The following FLACC1 variants were observed in gnomAD, a reference collection of about 807,000 sequenced individuals.
FLACC1 encodes the protein flagellum-associated coiled-coil domain-containing protein 1.
Under a neutral mutation model 62.8 loss-of-function variants are expected in FLACC1, and 66 were observed. That is an observed-to-expected ratio of 1.05 (90% CI 0.86 to 1.29). FLACC1 has a LOEUF of 1.29. FLACC1 is among the 50% of genes most tolerant of loss of function. FLACC1 has a pLI of 0.00. For synonymous variants in FLACC1, 156 were observed against 161.0 expected, an observed-to-expected ratio of 0.97 and a Z score of 0.24; for missense variants, 452 against 489.1, an observed-to-expected ratio of 0.92 and a Z score of 0.71.
At chr2:201,332,776 T>C (rs1366379291) in intron 7 of FLACC1, among the ~76,000 whole-genome samples, 2 of 152,112 alleles carry the variant, frequency 1.3e-5, no homozygotes, top group African/African-American at 2.4e-5. Flanking sequence ...GTTTGATTGT[T>C]TCAGATCCCA....
intron 9 of FLACC1, among the ~76,000 whole-genome samples, chr2:201,328,586 C>T (rs185677868): frequency 2.0e-3 from 309 of 152,098 alleles, no homozygotes; most frequent in African/African-American, 7.3e-3. Flanking sequence ...CCACCATGTC[C>T]GACTAATTTT....
intron 7 of FLACC1, 110 bp from the exon 8 acceptor site, chr2:201,330,943 C>T: frequency 1.6e-6 from 1 of 636,560 alleles, no homozygotes; most frequent in Non-Finnish European, 2.4e-6. Flanking sequence ...GTGAGGTTCT[C>T]ACTTTTTTAT....
chr2:201,342,659 A>G (rs1950834925), intron 6 of FLACC1, among the ~76,000 whole-genome samples: 1 of 152,230 alleles, frequency 6.6e-6, no homozygotes, highest in Admixed American at 6.5e-5. Flanking sequence ...GTACTTATTC[A>G]GTTCATAATG....
upstream of FLACC1, among the ~76,000 whole-genome samples, chr2:201,361,544 T>C (rs371928022): frequency 2.0e-5 from 3 of 152,198 alleles, no homozygotes; most frequent in Admixed American, 6.5e-5. Flanking sequence ...CTGAAGAACA[T>C]TGTGCAATAT....
At position 201,326,224 on chromosome 2, in the gene FLACC1, A is replaced by C. The variant is rs989816140; in HGVS notation, c.675+4246T>G. Among the ~76,000 whole-genome samples, 1 of 148,514 alleles carries C rather than the reference A, an allele frequency of 6.7e-6. No individual in the cohort carries two copies. Among genetic ancestry groups the C allele is most frequent in the African/African-American group, 2.6e-5 (1 of 39,018 alleles). ...GCCAACATCATACTGAATGGAAAAA[A>C]GTTGAAAGCATTCCCCTTGAGAACC... On this transcript the variant is annotated intron_variant, in intron 9 of 14. Transcript: ENST00000392257. The surrounding 1 kb of genome is among the most constrained non-coding windows in gnomAD (Gnocchi z 4.1).
chr2:201,327,095 G>A (rs1464146248), intron 9 of FLACC1, among the ~76,000 whole-genome samples: 1 of 152,110 alleles, frequency 6.6e-6, no homozygotes. Flanking sequence ...TTTAATAAGT[G>A]GTGCTGGGAG....
upstream of FLACC1, among the ~76,000 whole-genome samples, chr2:201,361,784 T>G (rs1559428909): frequency 6.6e-6 from 1 of 152,230 alleles, no homozygotes; most frequent in Non-Finnish European, 1.5e-5. Flanking sequence ...ACTTAGTGAT[T>G]TTTCTGAGAA....
chr2:201,294,348 G>A (rs1171589174), intron 12 of FLACC1, among the ~76,000 whole-genome samples: 1 of 152,186 alleles, frequency 6.6e-6, no homozygotes, highest in Non-Finnish European at 1.5e-5. Context: ...TCATCCCTGG[G>A]ATGCAAGGCT....
At chr2:201,327,791 T>C (rs1950523441) in intron 9 of FLACC1, among the ~76,000 whole-genome samples, 2 of 152,162 alleles carry the variant, frequency 1.3e-5, no homozygotes, top group South Asian at 4.1e-4. Context: ...CCATTCAATC[T>C]AGCAATCCCA....
intron 7 of FLACC1, among the ~76,000 whole-genome samples, chr2:201,337,215 C>T (rs1251763865): frequency 6.6e-6 from 1 of 152,134 alleles, no homozygotes; most frequent in Non-Finnish European, 1.5e-5. Flanking sequence ...TTTGCCTAGA[C>T]CGATGTCCTG....
intron 5 of FLACC1, 122 bp from the exon 6 acceptor site, chr2:201,344,385 C>A: frequency 2.7e-6 from 2 of 730,202 alleles, no homozygotes; most frequent in Non-Finnish European, 4.8e-6. Flanking sequence ...CCATGTTCTG[C>A]ACCTGCTCTA....
intron 9 of FLACC1, among the ~76,000 whole-genome samples, chr2:201,317,415 T>C (rs930254197): frequency 6.6e-6 from 1 of 152,084 alleles, no homozygotes. Context: ...GCGACTAAGG[T>C]GAAAATCAAA....
intron 11 of FLACC1, 95 bp downstream of exon 11, chr2:201,307,424 C>T (rs907042793): frequency 3.7e-5 from 33 of 901,448 alleles, no homozygotes; most frequent in Non-Finnish European, 5.2e-5. Flanking sequence ...CCCAGAAAGA[C>T]AAAAAGATCA....
intron 11 of FLACC1, among the ~76,000 whole-genome samples, chr2:201,306,786 C>CA (rs201699240): frequency 0.11 from 16,977 of 151,476 alleles, 1,016 homozygotes; most frequent in Non-Finnish European, 0.13. Context: ...GTATATCTGG[C>CA]AAAAAAAACT....
At chr2:201,317,729 C>A (rs1007371659) in intron 9 of FLACC1, among the ~76,000 whole-genome samples, 2 of 151,926 alleles carry the variant, frequency 1.3e-5, no homozygotes, top group Non-Finnish European at 2.9e-5. Context: ...CAAAAAAGAA[C>A]CCACATAGCC....
intron 11 of FLACC1, among the ~76,000 whole-genome samples, chr2:201,304,978 C>T (rs1559391490): frequency 6.6e-6 from 1 of 152,160 alleles, no homozygotes; most frequent in African/African-American, 2.4e-5. Flanking sequence ...ACCATAAAAA[C>T]CCTAGAGGGA....
At chr2:201,342,267 T>A in intron 7 of FLACC1, 103 bp downstream of exon 7, 1 of 1,152,094 alleles carries the variant, frequency 8.7e-7, no homozygotes, top group Non-Finnish European at 1.3e-6. Context: ...ATCCCCCAAC[T>A]CCATTTAGAA....
Position 201,346,530 on chromosome 2 carries a change from C to G in FLACC1, c.368+12G>C, listed in dbSNP as rs1362810237. Reference sequence around the variant, plus strand: ...AGCCCCAAGCAGCTGCATGTTGCTGCAACAGCATTACCTGGAAAATCTGCC... The same window carrying G: ...AGCCCCAAGCAGCTGCATGTTGCTGGAACAGCATTACCTGGAAAATCTGCC... On this transcript the variant is annotated intron_variant, in intron 5 of 14. Transcript: ENST00000392257. The surrounding 1 kb of genome is among the most constrained non-coding windows in gnomAD (Gnocchi z 4.0). The G allele has an allele frequency of 6.2e-7, 1 of 1,613,086 alleles. No individual in the cohort carries two copies. Among genetic ancestry groups the G allele is most frequent in the Non-Finnish European group, 8.5e-7 (1 of 1,179,862 alleles).
At chr2:201,315,371 CA>C (rs1485805159) in intron 9 of FLACC1, among the ~76,000 whole-genome samples, 1 of 152,074 alleles carries the variant, frequency 6.6e-6, no homozygotes, top group Non-Finnish European at 1.5e-5. Context: ...ACATTCCATG[CA>C]AATGGACACC....
Sources: gnomAD v4.1 joint callset for allele counts (sites outside exome capture counted in the v4.1 genomes callset) on GRCh38, gnomAD v4.1.1 for gene constraint, Gnocchi (gnomAD v3.1) non-coding constraint, MANE v1.5 for transcripts, NCBI Gene and HGNC (gene_info 2026-07-23, HGNC 2026-07-21) for gene names.